Variants in SAMMSON observed in about 807,000 individuals in gnomAD.
SAMMSON encodes survival associated mitochondrial melanoma specific oncogenic non-coding RNA.
intron 9 of SAMMSON, among the ~76,000 whole-genome samples, chr3:70,386,004 C>T (rs897384481): frequency 6.6e-6 from 1 of 152,056 alleles, no homozygotes; most frequent in Non-Finnish European, 1.5e-5. Flanking sequence ...GAACAAACAT[C>T]CCAACTCAGG....
chr3:70,266,201 A>C (rs1022711112), intron 6 of SAMMSON, among the ~76,000 whole-genome samples: 6 of 152,078 alleles, frequency 3.9e-5, no homozygotes, highest in Non-Finnish European at 8.8e-5. Context: ...ATGTTTTTTT[A>C]TTGAAGGAGG....
intron 4 of SAMMSON, among the ~76,000 whole-genome samples, chr3:70,077,319 A>ATTAATTTCTATTAATTT (rs2067251351): frequency 6.6e-6 from 1 of 152,188 alleles, no homozygotes; most frequent in Non-Finnish European, 1.5e-5. Context: ...TTTGTTAACA[A>ATTAATTTCTATTAATTT]GACTATTAAT....
intron 4 of SAMMSON, among the ~76,000 whole-genome samples, chr3:70,141,365 G>C (rs2067526837): frequency 1.3e-5 from 2 of 152,160 alleles, no homozygotes. Context: ...AAGGGCAGAA[G>C]AAGATGGATG....
chr3:70,279,836 G>T lies in SAMMSON; in HGVS notation n.675-11343G>T, dbSNP rs539249083. 3.3e-5 allele frequency among the ~76,000 whole-genome samples: 5 copies of T among 152,238 alleles called. No homozygotes were observed. In the East Asian group the frequency reaches 9.7e-4, roughly 29 times the overall value. ...ATCTTTTGGAGAAGTCTCCTGGGCT[G>T]CACAACTACACCTGCCAAACCACCT... is the stretch of plus-strand genomic sequence containing the variant. On this transcript the variant is annotated intron_variant and non_coding_transcript_variant, in intron 6 of 9. Transcript: ENST00000642114.
At chr3:70,386,171 C>G (rs969689686) in intron 9 of SAMMSON, among the ~76,000 whole-genome samples, 4 of 152,070 alleles carry the variant, frequency 2.6e-5, no homozygotes, top group South Asian at 2.1e-4. Context: ...CTTGTGCTAA[C>G]AGGTCAACAA....
At chr3:70,102,106 A>C (rs1170743265) in intron 4 of SAMMSON, among the ~76,000 whole-genome samples, 1 of 152,186 alleles carries the variant, frequency 6.6e-6, no homozygotes, top group Non-Finnish European at 1.5e-5. Context: ...TCAACGGAGG[A>C]AACATGCTTG....
chr3:70,022,050 A>G (rs562385734), intron 3 of SAMMSON, among the ~76,000 whole-genome samples: 12 of 152,140 alleles, frequency 7.9e-5, no homozygotes, highest in Non-Finnish European at 1.2e-4. Flanking sequence ...GAGTATTAGT[A>G]GTGCTTGCTG....
intron 9 of SAMMSON, among the ~76,000 whole-genome samples, chr3:70,367,243 A>G (rs1198435114): frequency 1.3e-5 from 2 of 151,648 alleles, no homozygotes; most frequent in East Asian, 1.9e-4. Flanking sequence ...CTATTGTGGT[A>G]TCAAACACTA....
intron 3 of SAMMSON, among the ~76,000 whole-genome samples, chr3:70,063,834 A>C (rs182221605): frequency 1.6e-4 from 24 of 152,218 alleles, no homozygotes; most frequent in Non-Finnish European, 3.1e-4. Flanking sequence ...TGTTTAATGA[A>C]GGCAATATTT....
chr3:70,079,711 G>GATTTACGGT (rs1035541537), intron 4 of SAMMSON, among the ~76,000 whole-genome samples: 26 of 152,146 alleles, frequency 1.7e-4, no homozygotes, highest in Non-Finnish European at 3.2e-4. Flanking sequence ...ATGCATTTTT[G>GATTTACGGT]ACTTACGGTA....
intron 4 of SAMMSON, among the ~76,000 whole-genome samples, chr3:70,086,978 A>G (rs572301356): frequency 6.6e-6 from 1 of 152,190 alleles, no homozygotes; most frequent in African/African-American, 2.4e-5. Flanking sequence ...CTCCTGGCTG[A>G]GCCCCAAATA....
At chr3:70,399,089 G>A (rs986116579) in intron 2 of SAMMSON, among the ~76,000 whole-genome samples, 6 of 152,128 alleles carry the variant, frequency 3.9e-5, no homozygotes, top group African/African-American at 1.4e-4. Flanking sequence ...AATGGAAATG[G>A]AGACAGAAAT....
intron 7 of SAMMSON, among the ~76,000 whole-genome samples, chr3:70,297,074 C>T (rs923202610): frequency 3.9e-5 from 6 of 151,974 alleles, no homozygotes; most frequent in African/African-American, 1.5e-4. Flanking sequence ...TATATTATTC[C>T]TTATCAAAAT....
At chr3:70,296,827 G>GT (rs1414173001) in intron 7 of SAMMSON, among the ~76,000 whole-genome samples, 1 of 151,944 alleles carries the variant, frequency 6.6e-6, no homozygotes, top group Non-Finnish European at 1.5e-5. Context: ...AGCTGGAGTG[G>GT]TTTTTTTAAA....
intron 3 of SAMMSON, among the ~76,000 whole-genome samples, chr3:70,027,759 A>T (rs549814563): frequency 2.6e-5 from 4 of 152,180 alleles, no homozygotes; most frequent in Non-Finnish European, 5.9e-5. Context: ...TGCTCCTATA[A>T]TGTATTGCAC....
intron 4 of SAMMSON, chr3:70,140,458 G>T: frequency 5.5e-6 from 1 of 183,070 alleles, no homozygotes; most frequent in South Asian, 1.2e-4. Flanking sequence ...ACCACTGAGT[G>T]ACCCACAAAC....
chr3:70,080,717 T>G (rs984901408), intron 4 of SAMMSON, among the ~76,000 whole-genome samples: 3 of 152,122 alleles, frequency 2.0e-5, no homozygotes, highest in African/African-American at 7.2e-5. Context: ...ACCAAATAAT[T>G]TTTTTCCTTC....
At chr3:70,177,451 T>G (rs938386557) in intron 4 of SAMMSON, among the ~76,000 whole-genome samples, 2 of 152,324 alleles carry the variant, frequency 1.3e-5, no homozygotes, top group South Asian at 2.1e-4. Context: ...AGGAGAGAGA[T>G]ACGACAGGTT....
Position 70,420,008 on chromosome 3 carries a change from A to G in SAMMSON, n.234-42552A>G, listed in dbSNP as rs561554639. ...TTCTTCATTGAAGAAAAGGATTAACAATTTCCCAAAAACTCTTTGAGAGAT... is the reference window on the plus strand; with the variant it reads ...TTCTTCATTGAAGAAAAGGATTAACGATTTCCCAAAAACTCTTTGAGAGAT... On this transcript the variant is annotated intron_variant and non_coding_transcript_variant, in intron 2 of 3. Transcript: ENST00000641053. 4.6e-5 allele frequency among the ~76,000 whole-genome samples: 7 copies of G among 152,358 alleles called. No individual in the cohort carries two copies. The East Asian group carries it at 1.3e-3, about 29-fold the overall frequency.
Sources: gnomAD v4.1 joint callset for allele counts (sites outside exome capture counted in the v4.1 genomes callset) on GRCh38, gnomAD v4.1.1 for gene constraint, MANE v1.5 for transcripts, NCBI Gene and HGNC (gene_info 2026-07-23, HGNC 2026-07-21) for gene names.